Variants in NCOA7 observed in about 807,000 individuals in gnomAD.
The protein encoded by NCOA7 is 140 kDa estrogen receptor-associated protein.
In NCOA7, 45 loss-of-function variants were observed where a neutral mutation model predicts 104.3. The observed-to-expected ratio is 0.43, with a 90% CI of 0.34 to 0.55. The LOEUF is 0.55. NCOA7 is among the 20% of genes least tolerant of loss of function. NCOA7 has a pLI of 0.02. For missense variants in NCOA7, 1,041 were observed against 1,119.7 expected, an observed-to-expected ratio of 0.93 and a Z score of 1.00; for synonymous variants, 398 against 402.3, an observed-to-expected ratio of 0.99 and a Z score of 0.13.
intron 2 of NCOA7, among the ~76,000 whole-genome samples, chr6:125,840,002 T>C (rs1186434914): frequency 6.6e-6 from 1 of 151,228 alleles, no homozygotes; most frequent in East Asian, 1.9e-4. Flanking sequence ...CTCAGGCAGG[T>C]CTTTCAGGAG....
chr6:125,913,118 T>C (rs1786733969), intron 10 of NCOA7, among the ~76,000 whole-genome samples: 1 of 152,200 alleles, frequency 6.6e-6, no homozygotes, highest in Non-Finnish European at 1.5e-5. Flanking sequence ...GTTTATTGTA[T>C]AACATTAGTC....
chr6:125,855,399 G>A, intron 3 of NCOA7, 159 bp downstream of exon 3: 1 of 584,898 alleles, frequency 1.7e-6, no homozygotes, highest in Non-Finnish European at 3.0e-6. Context: ...CTTGTGTAAG[G>A]GGATCACACT....
chr6:125,877,681 G>A (rs1178315724), intron 4 of NCOA7, among the ~76,000 whole-genome samples: 7 of 152,204 alleles, frequency 4.6e-5, no homozygotes, highest in Non-Finnish European at 8.8e-5. Context: ...ATAGAAAAGT[G>A]TGGTTTTAAT....
At chr6:125,825,309 C>G (rs777644901) in intron 2 of NCOA7, among the ~76,000 whole-genome samples, 23 of 151,962 alleles carry the variant, frequency 1.5e-4, no homozygotes, top group Admixed American at 1.4e-3. Flanking sequence ...GCCTGAGCAA[C>G]AAAGCAAGAC....
intron 2 of NCOA7, among the ~76,000 whole-genome samples, chr6:125,815,733 G>A (rs1777528689): frequency 6.6e-6 from 1 of 152,174 alleles, no homozygotes; most frequent in Non-Finnish European, 1.5e-5. Context: ...TGTTCCTACT[G>A]TTCTGTAGCT....
chr6:125,823,212 A>G (rs912917180), intron 2 of NCOA7, among the ~76,000 whole-genome samples: 7 of 152,124 alleles, frequency 4.6e-5, no homozygotes, highest in African/African-American at 1.7e-4. Context: ...AGACTCTCCA[A>G]TCGTTCATTA....
intron 2 of NCOA7, among the ~76,000 whole-genome samples, chr6:125,820,058 G>T (rs1316948826): frequency 6.6e-6 from 1 of 152,034 alleles, no homozygotes. Flanking sequence ...TCCCTTGTTG[G>T]CTCCCACCTC....
At chr6:125,856,758 G>A (rs1781597304) in intron 3 of NCOA7, among the ~76,000 whole-genome samples, 1 of 151,964 alleles carries the variant, frequency 6.6e-6, no homozygotes. Context: ...GAAAGCAAAG[G>A]GCAGTCACTA....
chr6:125,813,381 A>G (rs868716300), intron 1 of NCOA7, among the ~76,000 whole-genome samples: 1 of 152,028 alleles, frequency 6.6e-6, no homozygotes, highest in African/African-American at 2.4e-5. Flanking sequence ...ACAGAAGGGA[A>G]CAATTTTGTC....
intron 1 of NCOA7, among the ~76,000 whole-genome samples, chr6:125,805,053 C>T (rs1203337226): frequency 1.4e-5 from 2 of 145,504 alleles, no homozygotes; most frequent in African/African-American, 5.1e-5. Context: ...TCCTTAAAGA[C>T]AGTTGGCCAT....
intron 10 of NCOA7, among the ~76,000 whole-genome samples, chr6:125,896,706 C>G (rs949550515): frequency 6.6e-6 from 1 of 152,176 alleles, no homozygotes; most frequent in Non-Finnish European, 1.5e-5. Flanking sequence ...GTGGGAAGAT[C>G]ACTTGAGCCC....
At chr6:125,811,509 G>A (rs753938241) in intron 1 of NCOA7, among the ~76,000 whole-genome samples, 10 of 152,090 alleles carry the variant, frequency 6.6e-5, no homozygotes, top group Admixed American at 5.2e-4. Context: ...GGAGAGGAGC[G>A]CACACAAGTG....
intron 1 of NCOA7, among the ~76,000 whole-genome samples, chr6:125,808,094 C>T (rs778004825): frequency 6.6e-6 from 1 of 152,180 alleles, no homozygotes; most frequent in Admixed American, 6.5e-5. Flanking sequence ...AGCCAGCATT[C>T]CCTGAATGTC....
intron 10 of NCOA7, among the ~76,000 whole-genome samples, chr6:125,912,170 G>C (rs1283738197): frequency 3.3e-5 from 5 of 152,096 alleles, no homozygotes; most frequent in African/African-American, 1.2e-4. Flanking sequence ...TAGATCTTCA[G>C]ATGTTTGGTG....
intron 13 of NCOA7, among the ~76,000 whole-genome samples, chr6:125,925,570 C>T (rs1482919539): frequency 6.6e-6 from 1 of 152,158 alleles, no homozygotes; most frequent in Non-Finnish European, 1.5e-5. Flanking sequence ...AATGTTACTC[C>T]TATTTTGCTC....
intron 1 of NCOA7, among the ~76,000 whole-genome samples, chr6:125,795,873 G>C (rs1311733030): frequency 1.3e-5 from 2 of 152,154 alleles, no homozygotes; most frequent in Non-Finnish European, 2.9e-5. Flanking sequence ...GAAAGTTCAA[G>C]TTGTCATCAT....
At chr6:125,849,782 A>G (rs939968118) in intron 2 of NCOA7, among the ~76,000 whole-genome samples, 2 of 152,224 alleles carry the variant, frequency 1.3e-5, no homozygotes, top group African/African-American at 4.8e-5. Context: ...TTAAAGAAAT[A>G]CAAATGCAAA....
intron 13 of NCOA7, among the ~76,000 whole-genome samples, chr6:125,926,889 AT>A (rs1381968033): frequency 6.6e-6 from 1 of 152,212 alleles, no homozygotes; most frequent in African/African-American, 2.4e-5. Flanking sequence ...GCAAGTGCTG[AT>A]CAGGATGTGA....
At chr6:125,886,209 G>A (rs1034898274) in intron 8 of NCOA7, among the ~76,000 whole-genome samples, 6 of 151,058 alleles carry the variant, frequency 4.0e-5, no homozygotes, top group Non-Finnish European at 5.9e-5. Flanking sequence ...ATCCCTGGAG[G>A]TTTATGCAAG....
Sources: gnomAD v4.1 joint callset for allele counts (sites outside exome capture counted in the v4.1 genomes callset) on GRCh38, gnomAD v4.1.1 for gene constraint, MANE v1.5 for transcripts, NCBI Gene and HGNC (gene_info 2026-07-23, HGNC 2026-07-21) for gene names.